LRRC4C: variants seen among roughly 807,000 people sequenced by gnomAD.
LRRC4C encodes the protein leucine rich repeat containing 4C, also known as leucine-rich repeat-containing protein 4C.
LRRC4C carries 5 observed loss-of-function variants against 33.6 expected under a neutral mutation model. The ratio of observed to expected loss-of-function variants is 0.15; its 90% confidence interval spans 0.08 to 0.31. The LOEUF (loss-of-function observed/expected upper bound fraction) is 0.31. Ranked by LOEUF, LRRC4C falls within the 10% of genes least tolerant of loss-of-function variation. LRRC4C has a pLI of 1.00. For synonymous variants in LRRC4C, 329 were observed against 302.0 expected (o/e 1.09, Z -0.93); for missense variants, 560 against 796.7 (o/e 0.70, Z 3.58).
chr11:40,945,735 T>C (rs558419235), intron 1 of LRRC4C, among the ~76,000 whole-genome samples: 1 of 152,120 alleles, frequency 6.6e-6, no homozygotes, highest in Non-Finnish European at 1.5e-5. Flanking sequence ...GGAAAGGAGT[T>C]TGTTGCTCCT....
intron 1 of LRRC4C, among the ~76,000 whole-genome samples, chr11:41,252,573 A>G (rs1948674575): frequency 6.6e-6 from 1 of 152,150 alleles, no homozygotes. Flanking sequence ...GTATTTTTCT[A>G]CTGACTCTGT....
At chr11:40,794,061 A>G (rs1950727685) in intron 2 of LRRC4C, among the ~76,000 whole-genome samples, 1 of 151,874 alleles carries the variant, frequency 6.6e-6, no homozygotes, top group Non-Finnish European at 1.5e-5. Flanking sequence ...CTCTGATGTG[A>G]AAAAAAACTT....
At chr11:41,170,066 A>T (rs1466365649) in intron 1 of LRRC4C, among the ~76,000 whole-genome samples, 1 of 152,064 alleles carries the variant, frequency 6.6e-6, no homozygotes, top group Non-Finnish European at 1.5e-5. Flanking sequence ...GATCTCAAGC[A>T]CTCTCATAAC....
intron 1 of LRRC4C, among the ~76,000 whole-genome samples, chr11:40,975,578 T>C (rs952645832): frequency 6.6e-6 from 1 of 152,244 alleles, no homozygotes; most frequent in Non-Finnish European, 1.5e-5. Context: ...TCTTGCATTG[T>C]GTTGTATTAT....
chr11:41,019,586 G>C (rs988755026), intron 1 of LRRC4C, among the ~76,000 whole-genome samples: 10 of 152,072 alleles, frequency 6.6e-5, no homozygotes, highest in Non-Finnish European at 2.9e-5. Flanking sequence ...GATCCTTGAG[G>C]AATCACCACA....
intron 2 of LRRC4C, among the ~76,000 whole-genome samples, chr11:40,813,800 G>A (rs1441424194): frequency 6.6e-6 from 1 of 152,020 alleles, no homozygotes; most frequent in Admixed American, 6.6e-5. Flanking sequence ...AGGGGCTACT[G>A]GCCCCACACA....
chr11:41,058,703 T>C (rs1363280343), intron 1 of LRRC4C, among the ~76,000 whole-genome samples: 3 of 152,232 alleles, frequency 2.0e-5, no homozygotes, highest in East Asian at 3.9e-4. Context: ...CAACCTGTTA[T>C]TGATAATGTA....
chr11:41,009,866 T>C (rs1490004849), intron 1 of LRRC4C, among the ~76,000 whole-genome samples: 1 of 152,088 alleles, frequency 6.6e-6, no homozygotes, highest in Non-Finnish European at 1.5e-5. Context: ...AAATGTGAAT[T>C]TGTATAGAAA....
chr11:40,871,540 C>T (rs1056408655), intron 2 of LRRC4C, among the ~76,000 whole-genome samples: 1 of 152,080 alleles, frequency 6.6e-6, no homozygotes, highest in African/African-American at 2.4e-5. Flanking sequence ...CCCAGTCACT[C>T]TTGTCACAGC....
At chr11:40,856,326 G>A (rs1028051789) in intron 2 of LRRC4C, among the ~76,000 whole-genome samples, 1 of 152,170 alleles carries the variant, frequency 6.6e-6, no homozygotes, top group Non-Finnish European at 1.5e-5. Flanking sequence ...ATACAGATTT[G>A]TGGTCCATTT....
chr11:40,241,664 T>C (rs1309725648), intron 4 of LRRC4C, 66 bp from the exon 5 acceptor site: 3 of 152,160 alleles, frequency 2.0e-5, no homozygotes, highest in Admixed American at 6.5e-5. Flanking sequence ...ATGCCATTTT[T>C]CTGCAAGGCT....
At chr11:40,372,812 C>T (rs1948507426) in intron 3 of LRRC4C, among the ~76,000 whole-genome samples, 1 of 152,192 alleles carries the variant, frequency 6.6e-6, no homozygotes, top group African/African-American at 2.4e-5. Flanking sequence ...TGCTGACCTT[C>T]TGGCCACATG....
rs890191144 is a variant in LRRC4C, at chr11:40,706,046, T to C, written c.-406-57768A>G. ...TTCATATCCTTTGCCCACATTTCCA[T>C]GGGGTTATTTGATTTTTTTTTCTTG... On this transcript the variant is annotated intron_variant, in intron 2 of 6. Transcript: ENST00000528697. Among the ~76,000 whole-genome samples, 4 of 152,280 alleles carry C rather than the reference T, an allele frequency of 2.6e-5. No homozygotes were observed. The South Asian group carries it at 8.3e-4, about 32-fold the overall frequency.
At chr11:41,234,231 T>G (rs1481791762) in intron 1 of LRRC4C, among the ~76,000 whole-genome samples, 1 of 152,058 alleles carries the variant, frequency 6.6e-6, no homozygotes, top group East Asian at 1.9e-4. Flanking sequence ...AAAAAGTTTA[T>G]TTTTAATTGA....
chr11:40,346,584 A>T (rs900353173), intron 3 of LRRC4C, among the ~76,000 whole-genome samples: 1 of 152,170 alleles, frequency 6.6e-6, no homozygotes, highest in Non-Finnish European at 1.5e-5. Flanking sequence ...AGGATCAGGG[A>T]AAGTAATTAA....
intron 1 of LRRC4C, among the ~76,000 whole-genome samples, chr11:41,127,277 G>A (rs1160816845): frequency 2.0e-5 from 3 of 146,744 alleles, no homozygotes; most frequent in Non-Finnish European, 4.5e-5. Context: ...TTTAATTTTA[G>A]TATTGAATAG....
intron 3 of LRRC4C, among the ~76,000 whole-genome samples, chr11:40,528,297 T>G (rs2135286913): frequency 6.6e-6 from 1 of 152,178 alleles, no homozygotes; most frequent in East Asian, 1.9e-4. Flanking sequence ...AGTTAACATC[T>G]AAAATATATT....
chr11:40,802,778 T>G (rs966084930), intron 2 of LRRC4C, among the ~76,000 whole-genome samples: 1 of 152,134 alleles, frequency 6.6e-6, no homozygotes, highest in Non-Finnish European at 1.5e-5. Flanking sequence ...AGAATACATA[T>G]GGGAAGAAGA....
intron 1 of LRRC4C, among the ~76,000 whole-genome samples, chr11:41,297,662 TCTGC>T (rs1055401937): frequency 3.3e-5 from 5 of 152,200 alleles, no homozygotes; most frequent in African/African-American, 1.2e-4. Flanking sequence ...GAAAATACTC[TCTGC>T]CTGTTTACTA....
Sources: allele counts gnomAD v4.1 joint callset (sites outside exome capture counted in the v4.1 genomes callset), GRCh38; gene constraint gnomAD v4.1.1; transcripts MANE v1.5; gene names NCBI Gene and HGNC (gene_info 2026-07-23, HGNC 2026-07-21).